PARD3: variants seen among roughly 807,000 people sequenced by gnomAD.
PARD3 encodes the protein par-3 family cell polarity regulator, also known as partitioning defective 3 homolog.
A neutral mutation model predicts 155.4 loss-of-function variants in PARD3; 75 were observed. That is an observed-to-expected ratio of 0.48 (90% CI 0.40 to 0.58). The LOEUF (loss-of-function observed/expected upper bound fraction) is 0.58. Ranked by LOEUF, PARD3 falls within the 20% of genes least tolerant of loss-of-function variation. PARD3 has a pLI of 0.00. For missense variants in PARD3, 1,642 were observed against 1,721.7 expected, an observed-to-expected ratio of 0.95 and a Z score of 0.82; for synonymous variants, 576 against 610.5, an observed-to-expected ratio of 0.94 and a Z score of 0.83.
intron 2 of PARD3, among the ~76,000 whole-genome samples, chr10:34,688,308 T>C (rs916311685): frequency 6.6e-6 from 1 of 152,226 alleles, no homozygotes. Flanking sequence ...AGGAGTGGCC[T>C]AGGCCCACTG....
At chr10:34,650,102 C>CT (rs1291819728) in intron 2 of PARD3, among the ~76,000 whole-genome samples, 2 of 151,954 alleles carry the variant, frequency 1.3e-5, no homozygotes, top group African/African-American at 2.4e-5. Flanking sequence ...TTACAACGGG[C>CT]TTTTTTTTAA....
chr10:34,447,454 C>G (rs1216076608), intron 5 of PARD3, among the ~76,000 whole-genome samples: 1 of 125,238 alleles, frequency 8.0e-6, no homozygotes, highest in Non-Finnish European at 1.6e-5. Context: ...GCACTCTAGC[C>G]TGGGCAACAG....
intron 22 of PARD3, among the ~76,000 whole-genome samples, chr10:34,263,662 A>AT (rs1955144152): frequency 6.6e-6 from 1 of 152,210 alleles, no homozygotes. Flanking sequence ...AAGAAAAAAA[A>AT]GAAGAGCCCA....
chr10:34,389,496 T>C (rs1842677995), intron 7 of PARD3, among the ~76,000 whole-genome samples: 1 of 152,142 alleles, frequency 6.6e-6, no homozygotes, highest in Non-Finnish European at 1.5e-5. Flanking sequence ...AAACTGAAAA[T>C]AAGTAACAAA....
intron 20 of PARD3, among the ~76,000 whole-genome samples, chr10:34,287,761 G>C (rs7067869): frequency 0.025 from 3,842 of 152,230 alleles, 144 homozygotes; most frequent in African/African-American, 0.088. Context: ...ATTTTTTAAA[G>C]AGTAGGTTCC....
At chr10:34,156,844 G>A (rs891372280) in intron 22 of PARD3, among the ~76,000 whole-genome samples, 1 of 152,120 alleles carries the variant, frequency 6.6e-6, no homozygotes, top group Non-Finnish European at 1.5e-5. Flanking sequence ...AACAGCTTCT[G>A]CACATTTCAT....
At chr10:34,452,833 C>T (rs2077131118) in intron 4 of PARD3, among the ~76,000 whole-genome samples, 2 of 152,210 alleles carry the variant, frequency 1.3e-5, no homozygotes, top group Non-Finnish European at 2.9e-5. Context: ...GACTCAGGCA[C>T]CATTCCCTAA....
At chr10:34,540,366 T>C (rs986333353) in intron 2 of PARD3, among the ~76,000 whole-genome samples, 4 of 152,084 alleles carry the variant, frequency 2.6e-5, no homozygotes, top group African/African-American at 7.2e-5. Context: ...GTATCTGCTA[T>C]ACCTCGTGTT....
chr10:34,406,611 T>A, intron 5 of PARD3, among the ~76,000 whole-genome samples: 1 of 152,164 alleles, frequency 6.6e-6, no homozygotes, highest in East Asian at 1.9e-4. Flanking sequence ...AGTTCTGACC[T>A]CAGACTCCTA....
At chr10:34,209,007 A>C (rs558449365) in intron 22 of PARD3, among the ~76,000 whole-genome samples, 1 of 152,362 alleles carries the variant, frequency 6.6e-6, no homozygotes, top group Non-Finnish European at 1.5e-5. Context: ...TTATGGTGAA[A>C]AGAGTATTTG....
intron 22 of PARD3, among the ~76,000 whole-genome samples, chr10:34,250,676 A>G (rs1469518965): frequency 6.6e-6 from 1 of 152,186 alleles, no homozygotes; most frequent in Admixed American, 6.5e-5. Context: ...AATAAAAAAA[A>G]AAAAATCACT....
intron 7 of PARD3, among the ~76,000 whole-genome samples, chr10:34,386,128 A>C (rs1416760768): frequency 6.6e-6 from 1 of 152,188 alleles, no homozygotes; most frequent in African/African-American, 2.4e-5. Context: ...TTTTATTAAT[A>C]AATATAATAA....
intron 22 of PARD3, among the ~76,000 whole-genome samples, chr10:34,135,314 C>T (rs920086126): frequency 5.9e-5 from 9 of 152,200 alleles, no homozygotes; most frequent in Non-Finnish European, 1.0e-4. Context: ...CTTAATTTCA[C>T]GTTCTAACTA....
intron 4 of PARD3, among the ~76,000 whole-genome samples, chr10:34,457,579 T>C (rs923473799): frequency 7.2e-5 from 11 of 152,118 alleles, no homozygotes; most frequent in Middle Eastern, 3.2e-3. Context: ...CCCACCTCAA[T>C]GCCCAAATTC....
At chr10:34,150,264 C>G (rs1344529908) in intron 22 of PARD3, among the ~76,000 whole-genome samples, 1 of 152,112 alleles carries the variant, frequency 6.6e-6, no homozygotes, top group Non-Finnish European at 1.5e-5. Flanking sequence ...TAGGGAGAGA[C>G]ATAGAGTGGG....
In PARD3 at chr10:34,622,423, T is replaced by A. The variant is rs914524689; in HGVS notation, c.222+73895A>T. 3.9e-5 allele frequency among the ~76,000 whole-genome samples: 6 copies of A among 152,320 alleles called. No individual in the cohort carries two copies. The East Asian group carries it at 1.2e-3, about 29-fold the overall frequency. On this transcript the variant is annotated intron_variant, in intron 2 of 24. Transcript: ENST00000374788. ...AATTATTTGTTTCCTTCTCTGAAAT[T>A]TCTAAAAATAATACATTAGAACTTT... is the stretch of plus-strand genomic sequence containing the variant.
chr10:34,351,580 A>G (rs1021149150), intron 14 of PARD3, among the ~76,000 whole-genome samples: 1 of 152,230 alleles, frequency 6.6e-6, no homozygotes, highest in African/African-American at 2.4e-5. Flanking sequence ...TCTCTTTTCA[A>G]ACAGGACCAC....
At chr10:34,294,849 A>C (rs1956833692) in intron 20 of PARD3, among the ~76,000 whole-genome samples, 1 of 152,272 alleles carries the variant, frequency 6.6e-6, no homozygotes, top group South Asian at 2.1e-4. Context: ...AAGGGACTAG[A>C]GGTCACATAT....
At chr10:34,166,399 C>T (rs1045645419) in intron 22 of PARD3, among the ~76,000 whole-genome samples, 3 of 152,040 alleles carry the variant, frequency 2.0e-5, no homozygotes, top group East Asian at 1.9e-4. Flanking sequence ...GACTGCTTGA[C>T]GCCAGGAGTT....
Sources: gnomAD v4.1 joint callset for allele counts (sites outside exome capture counted in the v4.1 genomes callset) on GRCh38, gnomAD v4.1.1 for gene constraint, MANE v1.5 for transcripts, NCBI Gene and HGNC (gene_info 2026-07-23, HGNC 2026-07-21) for gene names.